Variants in INSR observed in about 807,000 individuals in gnomAD.
The protein encoded by INSR is insulin receptor.
Under a neutral mutation model 142.6 loss-of-function variants are expected in INSR, and 67 were observed. The ratio of observed to expected loss-of-function variants is 0.47; its 90% CI spans 0.39 to 0.58. The LOEUF (loss-of-function observed/expected upper bound fraction) is 0.58. Ranked by LOEUF, INSR falls within the 20% of genes least tolerant of loss-of-function variation. The pLI is 0.00. For missense variants in INSR, 1,248 were observed against 1,833.2 expected (o/e 0.68, Z 5.83); for synonymous variants, 756 against 743.1 (o/e 1.02, Z -0.28).
Position 7,267,748 on chromosome 19 carries a change from C to T in INSR, c.249G>A (p.Met83Ile). 2 of 1,614,140 alleles carry T rather than the reference C, an allele frequency of 1.2e-6. No homozygotes were observed. The highest frequency in any genetic ancestry group is 1.7e-6 in the Non-Finnish European group (2 of 1,180,034). Residue 83 changes from methionine (M) to isoleucine (I), a missense_variant, in exon 2 of 22, where the codon ATG becomes ATA. Met to Ile is a conservative substitution (Grantham distance 10, BLOSUM62 1). Around this residue, in one of 3 missense-constraint regions of INSR, gnomAD observed 1,069 missense variants for 1,654.0 expected, o/e 0.65. Coordinates refer to ENST00000302850, the MANE Select transcript of INSR (RefSeq NM_000208.4). This position sits in a 1 kb window ranked among gnomAD's most constrained non-coding sequence, Gnocchi z 6.3. ...GGAAGAGCAGCAAGTAATCAGTGAT[C>T]ATGATGAGTTTGGGGAAACTGAGGT... ...FRDLSFPKLI[M>I]ITDYLLLFRV...
In INSR at chr19:7,137,486, G is replaced by A. The variant is rs773528428; in HGVS notation, c.2682+4191C>T. Reference sequence around the variant, plus strand: ...GCTACTGGGCTCACTGCCAGGAGCCGTTAAGATGCAACTGACCCAGGCTAG... The same window carrying A: ...GCTACTGGGCTCACTGCCAGGAGCCATTAAGATGCAACTGACCCAGGCTAG... On this transcript the variant is annotated intron_variant, in intron 13 of 21. Coordinates refer to ENST00000302850, the MANE Select transcript of INSR (RefSeq NM_000208.4). Among the ~76,000 whole-genome samples, 7 of 152,024 alleles carry A rather than the reference G, an allele frequency of 4.6e-5. No individual in the cohort carries two copies. The East Asian group carries it at 7.7e-4, about 17-fold the overall frequency.
At chr19:7,229,004 T>TGGAC (rs71177179) in intron 2 of INSR, among the ~76,000 whole-genome samples, 42,025 of 150,282 alleles carry the variant, frequency 0.28, 6,144 homozygotes, top group South Asian at 0.35. Flanking sequence ...GATGGATGGA[T>TGGAC]GGACGTCTGG....
At chr19:7,264,907 T>C (rs1178072209) in intron 2 of INSR, among the ~76,000 whole-genome samples, 1 of 152,222 alleles carries the variant, frequency 6.6e-6, no homozygotes, top group Non-Finnish European at 1.5e-5. Context: ...GAAGGACTCA[T>C]GCTGGGGGCT....
At chr19:7,178,489 G>A (rs1177844743) in intron 3 of INSR, among the ~76,000 whole-genome samples, 1 of 152,164 alleles carries the variant, frequency 6.6e-6, no homozygotes, top group African/African-American at 2.4e-5. Flanking sequence ...GGGAGGCTGA[G>A]GCAGGTGAAT....
intron 2 of INSR, among the ~76,000 whole-genome samples, chr19:7,253,108 C>T (rs933812691): frequency 5.6e-5 from 7 of 125,592 alleles, no homozygotes; most frequent in East Asian, 6.1e-4. Flanking sequence ...AGTGAGACTC[C>T]GCCAAAAAAA....
Position 7,267,929 on chromosome 19 carries a change from G to A in INSR, c.101-33C>T, listed in dbSNP as rs1325097090. On this transcript the variant is annotated intron_variant, in intron 1 of 21. Transcript: ENST00000302850. This position sits in a 1 kb window ranked among gnomAD's most constrained non-coding sequence, Gnocchi z 6.3. ...AGAAAATGAACAGAAAGCAAGACAG[G>A]TGAGCAGACGCACGGTGGATGCATC... The A allele has an allele frequency of 1.3e-6, 2 of 1,573,542 alleles. No individual in the cohort carries two copies. The highest frequency in any genetic ancestry group is 2.2e-5 in the East Asian group (1 of 44,510).
At chr19:7,129,935 C>T (rs1428988736) in intron 14 of INSR, among the ~76,000 whole-genome samples, 6 of 152,032 alleles carry the variant, frequency 3.9e-5, no homozygotes, top group Non-Finnish European at 7.4e-5. Flanking sequence ...GACAGAGTCT[C>T]GCTATGTTGC....
At chr19:7,281,382 C>T (rs1389775484) in intron 1 of INSR, among the ~76,000 whole-genome samples, 1 of 151,954 alleles carries the variant, frequency 6.6e-6, no homozygotes, top group Admixed American at 6.6e-5. Flanking sequence ...AGTCAGAAAA[C>T]AGTTGTATCC....
rs534851105 is a variant in INSR, at chr19:7,226,620, C to G, written c.652+40725G>C. Among the ~76,000 whole-genome samples, 3 of 149,598 alleles carry G rather than the reference C, an allele frequency of 2.0e-5. No individual in the cohort carries two copies. The East Asian group carries it at 5.9e-4, about 30-fold the overall frequency. On this transcript the variant is annotated intron_variant, in intron 2 of 21. Coordinates refer to ENST00000302850, the MANE Select transcript of INSR (RefSeq NM_000208.4). ...GTGTACACCTGTGGTCCCAGCTACT[C>G]GGGAAGCTGAAGTGGGAGGATTGCT...
chr19:7,210,120 G>A (rs1975229425), intron 2 of INSR, among the ~76,000 whole-genome samples: 1 of 151,916 alleles, frequency 6.6e-6, no homozygotes, highest in Admixed American at 6.6e-5. Flanking sequence ...CGAGGCGGGT[G>A]GATCACCTGA....
rs1972576870 is a variant in INSR, at chr19:7,124,540, GGAAAAAAAAAAAAA to G, written c.3258+729_3258+742del. Among the ~76,000 whole-genome samples the G allele has an allele frequency of 8.3e-4, 9 of 10,810 alleles. 1 individual carries two copies. The highest frequency in any genetic ancestry group is 0.062 in the Middle Eastern group (1 of 16). The allele number at this position is 10,810 out of a possible 152,430, so 7.1% of individuals were successfully genotyped here. A position where few individuals can be genotyped will look rare whatever the true frequency, so the allele number is the denominator to read the frequency against. ...CACAACAAAGCGAGACTCCGTTTCA[GGAAAAAAAAAAAAA>G]AAAAAAAAAAAAAAAAAAAAAAAAA... is the stretch of plus-strand genomic sequence containing the variant. On this transcript the variant is annotated intron_variant, in intron 17 of 21. Coordinates refer to ENST00000302850, the MANE Select transcript of INSR (RefSeq NM_000208.4).
intron 2 of INSR, among the ~76,000 whole-genome samples, chr19:7,206,231 G>T (rs746005593): frequency 5.3e-5 from 8 of 152,120 alleles, no homozygotes; most frequent in Non-Finnish European, 1.2e-4. Flanking sequence ...CAGTGGGTGT[G>T]ATCATAGCTC....
intron 2 of INSR, among the ~76,000 whole-genome samples, chr19:7,236,570 G>A (rs1976164305): frequency 6.6e-6 from 1 of 152,142 alleles, no homozygotes; most frequent in Non-Finnish European, 1.5e-5. Flanking sequence ...AAGAAAAGAT[G>A]CCAGACATTG....
In INSR at chr19:7,175,601, G is replaced by A. The variant is rs1974118194; in HGVS notation, c.975-870C>T. 2.6e-5 allele frequency among the ~76,000 whole-genome samples: 4 copies of A among 152,218 alleles called. No individual in the cohort carries two copies. In the South Asian group the frequency reaches 8.3e-4, roughly 32 times the overall value. On this transcript the variant is annotated intron_variant, in intron 3 of 21. Coordinates refer to ENST00000302850, the MANE Select transcript of INSR (RefSeq NM_000208.4). ...TGTAATCCCAGCACTTTGGGAGTCC[G>A]AGGCGGGCAGATCACCTGAGGTCAG...
At chr19:7,177,287 G>A (rs1191847841) in intron 3 of INSR, among the ~76,000 whole-genome samples, 1 of 152,162 alleles carries the variant, frequency 6.6e-6, no homozygotes, top group Non-Finnish European at 1.5e-5. Flanking sequence ...AGGGGAAATT[G>A]TCTTCCTTCT....
At chr19:7,154,545 GC>G (rs1202974764) in intron 9 of INSR, among the ~76,000 whole-genome samples, 1 of 150,538 alleles carries the variant, frequency 6.6e-6, no homozygotes, top group South Asian at 2.1e-4. Flanking sequence ...CTCGTGATCT[GC>G]CCGCCTTGGC....
At chr19:7,162,910 G>C (rs892718496) in intron 9 of INSR, 122 bp downstream of exon 9, 2 of 808,134 alleles carry the variant, frequency 2.5e-6, no homozygotes, top group Non-Finnish European at 4.4e-6. Flanking sequence ...TGGAGTGTGT[G>C]TGTGTGTGCC....
At chr19:7,131,350 T>C (rs558778571) in intron 14 of INSR, among the ~76,000 whole-genome samples, 1 of 150,646 alleles carries the variant, frequency 6.6e-6, no homozygotes, top group Non-Finnish European at 1.5e-5. Context: ...TTTACTTATT[T>C]TATTTTATTT....
chr19:7,149,947 AG>A, intron 11 of INSR, among the ~76,000 whole-genome samples: 1 of 6,614 alleles, frequency 1.5e-4, no homozygotes, highest in East Asian at 1.1e-3. Context: ...GAAGGAAGGA[AG>A]GAAGGAAGGA....
Sources: allele counts gnomAD v4.1 joint callset (sites outside exome capture counted in the v4.1 genomes callset), GRCh38; gene constraint gnomAD v4.1.1; regional missense constraint gnomAD v4.1.1; non-coding constraint Gnocchi (gnomAD v3.1); transcripts MANE v1.5; gene names NCBI Gene and HGNC (gene_info 2026-07-23, HGNC 2026-07-21).